Variants in SMAP1 observed in about 807,000 individuals in gnomAD.
SMAP1 encodes the protein small ArfGAP 1, also known as stromal membrane-associated protein 1.
A neutral mutation model predicts 58.5 loss-of-function variants in SMAP1; 24 were observed. The ratio of observed to expected loss-of-function variants is 0.41; its 90% confidence interval spans 0.30 to 0.58. The LOEUF (loss-of-function observed/expected upper bound fraction) is 0.58, where lower values mean the gene tolerates loss of function less well. Among genes scored for constraint, SMAP1 ranks in the 20% least tolerant of loss-of-function variants. The pLI is 0.29. For synonymous variants in SMAP1, 216 were observed against 196.6 expected, an observed-to-expected ratio of 1.10 and a Z score of -0.82; for missense variants, 563 against 566.3, an observed-to-expected ratio of 0.99 and a Z score of 0.06.
intron 6 of SMAP1, among the ~76,000 whole-genome samples, chr6:70,802,822 A>G (rs2149958243): frequency 6.6e-6 from 1 of 152,248 alleles, no homozygotes; most frequent in Non-Finnish European, 1.5e-5. Flanking sequence ...CGATTTGCGT[A>G]TGTTGAACCA....
At chr6:70,855,112 C>A (rs1055106505) in intron 8 of SMAP1, among the ~76,000 whole-genome samples, 4 of 51,700 alleles carry the variant, frequency 7.7e-5, no homozygotes, top group Non-Finnish European at 1.7e-4. Context: ...ATACATATAC[C>A]AACAGTACCT....
intron 4 of SMAP1, among the ~76,000 whole-genome samples, chr6:70,778,728 C>T (rs1219513461): frequency 2.0e-5 from 3 of 152,192 alleles, no homozygotes; most frequent in African/African-American, 4.8e-5. Flanking sequence ...CTGAGTACGT[C>T]GGTTGTCAGG....
chr6:70,767,847 T>C (rs899234241), intron 3 of SMAP1, among the ~76,000 whole-genome samples: 4 of 140,268 alleles, frequency 2.9e-5, no homozygotes, highest in African/African-American at 2.7e-5. Context: ...AAGGGAATGC[T>C]TCCAGTTTTT....
chr6:70,852,664 G>A lies in SMAP1; in HGVS notation c.789G>A (p.Gln263=), dbSNP rs1771234679. Residue 263 remains glutamine, a splice_region_variant and synonymous_variant, in exon 8 of 11, where the codon CAG becomes CAA. Coordinates refer to ENST00000370455, the MANE Select transcript of SMAP1 (RefSeq NM_001044305.3). ...PLPATVMPPA[Q]GTPSAPAAAT... ...CTGCAACTGTCATGCCCCCAGCTCA[G>A]GTATGTGATAAGAATATGGTTTTAT... 6.3e-7 allele frequency: 1 copy of A among 1,590,614 alleles called. No homozygotes were observed. The highest frequency in any genetic ancestry group is 2.3e-5 in the East Asian group (1 of 44,032).
At chr6:70,709,529 C>T (rs1271511479) in intron 1 of SMAP1, among the ~76,000 whole-genome samples, 1 of 151,922 alleles carries the variant, frequency 6.6e-6, no homozygotes, top group Non-Finnish European at 1.5e-5. Flanking sequence ...TCTGTGTTGC[C>T]CAGGCTGGTT....
intron 1 of SMAP1, among the ~76,000 whole-genome samples, chr6:70,674,233 C>T (rs1766387682): frequency 6.6e-6 from 1 of 151,984 alleles, no homozygotes; most frequent in South Asian, 2.1e-4. Flanking sequence ...CCACCTCAGC[C>T]TCTCAAGTAG....
intron 1 of SMAP1, among the ~76,000 whole-genome samples, chr6:70,708,643 T>C (rs1006672817): frequency 6.6e-6 from 1 of 152,206 alleles, no homozygotes; most frequent in African/African-American, 2.4e-5. Flanking sequence ...CTTGTCTTCT[T>C]GATAATAGCC....
intron 6 of SMAP1, among the ~76,000 whole-genome samples, chr6:70,805,765 G>T (rs1769098328): frequency 6.6e-6 from 1 of 152,176 alleles, no homozygotes; most frequent in African/African-American, 2.4e-5. Context: ...AGGTCCCTCT[G>T]CTGCAGGTCT....
chr6:70,705,345 G>A (rs1767797296), intron 1 of SMAP1, among the ~76,000 whole-genome samples: 1 of 151,580 alleles, frequency 6.6e-6, no homozygotes, highest in African/African-American at 2.4e-5. Context: ...TCCACCTCCT[G>A]GGTTCAAGTG....
At chr6:70,692,624 C>T (rs1378371394) in intron 1 of SMAP1, among the ~76,000 whole-genome samples, 1 of 152,164 alleles carries the variant, frequency 6.6e-6, no homozygotes, top group Admixed American at 6.5e-5. Context: ...AAGTTTTATT[C>T]TTCTGCATAT....
At chr6:70,819,437 G>C (rs908022048) in intron 6 of SMAP1, among the ~76,000 whole-genome samples, 1 of 151,952 alleles carries the variant, frequency 6.6e-6, no homozygotes, top group Admixed American at 6.6e-5. Flanking sequence ...ATTCATGATA[G>C]TTTCATTCAA....
chr6:70,825,063 C>G (rs546681060), intron 6 of SMAP1, among the ~76,000 whole-genome samples: 1 of 152,300 alleles, frequency 6.6e-6, no homozygotes, highest in South Asian at 2.1e-4. Flanking sequence ...TACTGTGACT[C>G]TGTGCTCATG....
chr6:70,801,204 C>A (rs979431523), intron 6 of SMAP1, among the ~76,000 whole-genome samples: 1 of 152,066 alleles, frequency 6.6e-6, no homozygotes, highest in African/African-American at 2.4e-5. Context: ...TTTTAATGAT[C>A]GCGATTCTAC....
intron 7 of SMAP1, among the ~76,000 whole-genome samples, chr6:70,848,167 A>G (rs1206477083): frequency 6.6e-6 from 1 of 152,138 alleles, no homozygotes; most frequent in Admixed American, 6.5e-5. Context: ...ACTCCCAATA[A>G]TTTGTGAATA....
At chr6:70,735,575 C>G (rs370931405) in intron 2 of SMAP1, among the ~76,000 whole-genome samples, 5 of 152,140 alleles carry the variant, frequency 3.3e-5, no homozygotes, top group Non-Finnish European at 7.3e-5. Flanking sequence ...TTGAGACCAG[C>G]CTGGCCAACA....
At chr6:70,803,973 G>T (rs560866707) in intron 6 of SMAP1, among the ~76,000 whole-genome samples, 30 of 152,134 alleles carry the variant, frequency 2.0e-4, no homozygotes, top group African/African-American at 6.3e-4. Flanking sequence ...GTTGATTTGG[G>T]GTGGAGAGTT....
chr6:70,835,860 G>A (rs1012257526), intron 6 of SMAP1, among the ~76,000 whole-genome samples: 6 of 152,172 alleles, frequency 3.9e-5, no homozygotes, highest in African/African-American at 1.4e-4. Flanking sequence ...TGATAATCCA[G>A]TAGGTGTAGG....
At chr6:70,709,339 A>G (rs1354757500) in intron 1 of SMAP1, among the ~76,000 whole-genome samples, 1 of 151,988 alleles carries the variant, frequency 6.6e-6, no homozygotes, top group Non-Finnish European at 1.5e-5. Flanking sequence ...TAGCTTTATA[A>G]TACTTTTTTT....
intron 7 of SMAP1, among the ~76,000 whole-genome samples, chr6:70,845,001 C>T (rs917677392): frequency 6.6e-6 from 1 of 152,104 alleles, no homozygotes; most frequent in Non-Finnish European, 1.5e-5. Context: ...GTTATGATGA[C>T]GCTTCACTAG....
Sources: gnomAD v4.1 joint callset for allele counts (sites outside exome capture counted in the v4.1 genomes callset) on GRCh38, gnomAD v4.1.1 for gene constraint, MANE v1.5 for transcripts, NCBI Gene and HGNC (gene_info 2026-07-23, HGNC 2026-07-21) for gene names.